DERPC: variants seen among roughly 807,000 people sequenced by gnomAD.
DERPC encodes DERPC proline and glycine rich nuclear protein, also known as decreased expression in renal and prostate cancer protein.
A neutral mutation model predicts 7.2 loss-of-function variants in DERPC; 1 was observed. The ratio of observed to expected loss-of-function variants is 0.14; its 90% CI spans 0.05 to 0.66. DERPC has a LOEUF of 0.66. Ranked by LOEUF, DERPC falls within the 30% of genes least tolerant of loss-of-function variation. The pLI, the probability that DERPC is intolerant of heterozygous loss-of-function variation, is 0.84. For missense variants in DERPC, 502 were observed against 299.4 expected, an observed-to-expected ratio of 1.68 and a Z score of -4.99; for synonymous variants, 185 against 117.6, an observed-to-expected ratio of 1.57 and a Z score of -3.71.
At chr16:69,129,872 G>T (rs1962369586) in intron 1 of DERPC, among the ~76,000 whole-genome samples, 1 of 152,202 alleles carries the variant, frequency 6.6e-6, no homozygotes, top group East Asian at 1.9e-4. Context: ...GGGGTAGGCA[G>T]CTAAAAACAA....
chr16:69,118,722 T>C lies in DERPC; in HGVS notation c.*132A>G. ...TCAAGAAAAACGCAAAGGAAAAAGA[T>C]GGCTCATTTGAACTTGAGCCCAAGC... On this transcript the variant is annotated 3_prime_UTR_variant, in exon 3 of 3. Coordinates refer to ENST00000519520, the MANE Select transcript of DERPC (RefSeq NM_001002847.4). 3.1e-6 allele frequency: 2 copies of C among 643,738 alleles called. No individual in the cohort carries two copies. The highest frequency in any genetic ancestry group is 2.4e-5 in the Admixed American group (1 of 41,552). 39.9% of individuals were successfully genotyped at this position (643,738 alleles called of 1,614,324 possible).
In DERPC at chr16:69,129,227, G is replaced by A. The variant is rs924573185; in HGVS notation, c.-280+3257C>T. 4.7e-4 allele frequency among the ~76,000 whole-genome samples: 72 copies of A among 151,896 alleles called. 1 individual carries two copies. Among genetic ancestry groups the A allele is most frequent in the African/African-American group, 1.6e-3 (67 of 41,354 alleles). Reference sequence around the variant, plus strand: ...GGGCAGATCACGAGGTCAGGAGATCGAGATCATCCTGGATAACACAGTGAA... The same window carrying A: ...GGGCAGATCACGAGGTCAGGAGATCAAGATCATCCTGGATAACACAGTGAA... On this transcript the variant is annotated intron_variant, in intron 1 of 2. Transcript: ENST00000519520.
Position 69,118,273 on chromosome 16 carries a change from C to A in DERPC, c.*581G>T. 1.1e-6 allele frequency: 1 copy of A among 870,914 alleles called. No individual in the cohort carries two copies. The highest frequency in any genetic ancestry group is 2.5e-5 in the East Asian group (1 of 39,762). 53.9% of individuals were successfully genotyped at this position (870,914 alleles called of 1,614,324 possible). A position where few individuals can be genotyped will look rare whatever the true frequency, so the allele number is the denominator to read the frequency against. ...TCTAAGTCCCAGGAGAAGGGAGCTG[C>A]AGGCCCAGTCAGTCAAGCAGAAACT... On this transcript the variant is annotated 3_prime_UTR_variant, in exon 3 of 3. Coordinates refer to ENST00000519520, the MANE Select transcript of DERPC (RefSeq NM_001002847.4).
intron 1 of DERPC, 97 bp from the exon 2 acceptor site, chr16:69,121,590 G>A (rs2152267210): frequency 2.9e-6 from 2 of 681,186 alleles, no homozygotes; most frequent in Non-Finnish European, 5.0e-6. Context: ...CGATTCTCCT[G>A]CCTCAGCCTC....
At chr16:69,129,746 TATG>T (rs1445934540) in intron 1 of DERPC, among the ~76,000 whole-genome samples, 9 of 152,202 alleles carry the variant, frequency 5.9e-5, no homozygotes, top group Non-Finnish European at 1.2e-4. Context: ...AGCACCTCTG[TATG>T]ATAACTTCCC....
At chr16:69,131,292 A>G (rs1025039614) in intron 1 of DERPC, 3 of 152,166 alleles carry the variant, frequency 2.0e-5, no homozygotes, top group Admixed American at 6.5e-5. Flanking sequence ...GAGGGAATCA[A>G]TTACTGGTAT....
rs750447211 is a variant in DERPC, at chr16:69,120,351, G to A, written c.78C>T (p.Leu26=). Residue 26 remains leucine (L), a synonymous_variant, in exon 3 of 3, where the codon CTC becomes CTT. Transcript: ENST00000519520. This position sits in a 1 kb window ranked among gnomAD's most constrained non-coding sequence, Gnocchi z 4.0. ...TRAPLPPRGR[L]DGSLGPQGGP... is the part of the protein sequence containing the mutation. ...CCCCCTGTGGTCCCAGGGAACCGTCGAGCCGTCCTCGAGGTGGCAGCGGAG... is the reference window on the plus strand; with the variant it reads ...CCCCCTGTGGTCCCAGGGAACCGTCAAGCCGTCCTCGAGGTGGCAGCGGAG... The A allele has an allele frequency of 1.1e-5, 16 of 1,467,378 alleles. No homozygotes were observed. Among genetic ancestry groups the A allele is most frequent in the South Asian group, 4.6e-5 (4 of 87,720 alleles). The allele number at this position is 1,467,378 out of a possible 1,614,324, so 90.9% of individuals were successfully genotyped here.
rs1419543292 is a variant in DERPC, at chr16:69,118,397, G to C, written c.*457C>G. 1.2e-6 allele frequency: 2 copies of C among 1,613,280 alleles called. No individual in the cohort carries two copies. The highest frequency in any genetic ancestry group is 1.7e-5 in the Admixed American group (1 of 60,016). ...GGCAGTAGAGGATGACCAGGTCCAA[G>C]CTGCCCAGGTCAGAGCTACGGAAGC... On this transcript the variant is annotated 3_prime_UTR_variant, in exon 3 of 3. Coordinates refer to ENST00000519520, the MANE Select transcript of DERPC (RefSeq NM_001002847.4).
At chr16:69,125,179 C>T (rs1014787913) in intron 1 of DERPC, among the ~76,000 whole-genome samples, 1 of 152,174 alleles carries the variant, frequency 6.6e-6, no homozygotes, top group Non-Finnish European at 1.5e-5. Context: ...ACTGAGATTA[C>T]AGGCTTGAGT....
chr16:69,124,121 AAAG>A (rs931329326), intron 1 of DERPC, among the ~76,000 whole-genome samples: 8 of 151,658 alleles, frequency 5.3e-5, no homozygotes, highest in Non-Finnish European at 7.4e-5. Flanking sequence ...AAAAAAAAAA[AAAG>A]GATAATATGC....
chr16:69,128,007 C>G (rs1962206290), intron 1 of DERPC, among the ~76,000 whole-genome samples: 2 of 152,036 alleles, frequency 1.3e-5, no homozygotes, highest in South Asian at 4.2e-4. Flanking sequence ...CTCCGCTGCC[C>G]AGGATCAGGG....
At chr16:69,130,503 G>C (rs1962420164) in intron 1 of DERPC, among the ~76,000 whole-genome samples, 1 of 152,126 alleles carries the variant, frequency 6.6e-6, no homozygotes, top group African/African-American at 2.4e-5. Context: ...TACGAATATA[G>C]TGAAGCACTC....
intron 1 of DERPC, among the ~76,000 whole-genome samples, chr16:69,126,383 G>C (rs1161011937): frequency 2.6e-5 from 4 of 152,216 alleles, no homozygotes. Context: ...TGGTTGCTGG[G>C]ATGGCACAGC....
chr16:69,124,565 A>G (rs11861167), intron 1 of DERPC, among the ~76,000 whole-genome samples: 3,636 of 151,832 alleles, frequency 0.024, 154 homozygotes, highest in African/African-American at 0.083. Context: ...CTGGGATTAC[A>G]GGCGCCCGCC....
Position 69,120,538 on chromosome 16 carries a change from C to T in DERPC, c.-110G>A. ...CGGGTGCCAGTCTCGCGGCCAAGCT[C>T]ATCACAGTCCTGATCCCCAGGAGTG... On this transcript the variant is annotated 5_prime_UTR_variant, in exon 3 of 3. The change abolishes an upstream ATG in the 5' untranslated region. Transcript: ENST00000519520. The surrounding 1 kb of genome is among the most constrained non-coding windows in gnomAD (Gnocchi z 4.0). 6.2e-7 allele frequency: 1 copy of T among 1,614,164 alleles called. No homozygotes were observed. The highest frequency in any genetic ancestry group is 1.1e-5 in the South Asian group (1 of 91,084).
At chr16:69,121,570 C>A (rs1207881971) in intron 1 of DERPC, 77 bp from the exon 2 acceptor site, 2 of 818,520 alleles carry the variant, frequency 2.4e-6, no homozygotes, top group Admixed American at 2.7e-5. Flanking sequence ...CTCCACCTCC[C>A]GGGTTCAATC....
chr16:69,122,799 C>T (rs1374357344), intron 1 of DERPC, among the ~76,000 whole-genome samples: 1 of 152,072 alleles, frequency 6.6e-6, no homozygotes, highest in East Asian at 1.9e-4. Context: ...ACTTTGGCCT[C>T]CCAAAGTGCT....
At chr16:69,128,592 C>T (rs1962259471) in intron 1 of DERPC, among the ~76,000 whole-genome samples, 2 of 152,108 alleles carry the variant, frequency 1.3e-5, no homozygotes. Context: ...ACGACTTTAT[C>T]TCAGTAAAGG....
At position 69,119,317 on chromosome 16, in the gene DERPC, A is replaced by G. The variant is rs1961432322; in HGVS notation, c.1112T>C (p.Phe371Ser). The change falls in exon 3 of 3, where the codon TTT becomes TCT. Residue 371 changes from phenylalanine (F) to serine (S), a missense_variant. By Grantham distance (155) the Phe-to-Ser change is radical. Coordinates refer to ENST00000519520, the MANE Select transcript of DERPC (RefSeq NM_001002847.4). ...TGCCAATGTGCCAGAAGACTGAGAAAAGGCAGATGAACCTGCTCCCCTGGG... is the reference window on the plus strand; with the variant it reads ...TGCCAATGTGCCAGAAGACTGAGAAGAGGCAGATGAACCTGCTCCCCTGGG... Reference protein sequence around the residue: ...PFPRGAGSSAFSQSSGTLASN... With the variant: ...PFPRGAGSSASSQSSGTLASN... The G allele has an allele frequency of 4.3e-6, 3 of 703,106 alleles. No individual in the cohort carries two copies. The East Asian group carries it at 8.0e-5, about 19-fold the overall frequency. 43.6% of individuals were successfully genotyped at this position (703,106 alleles called of 1,614,324 possible). A position where few individuals can be genotyped will look rare whatever the true frequency, so the allele number is the denominator to read the frequency against.
Sources: gnomAD v4.1 joint callset for allele counts (sites outside exome capture counted in the v4.1 genomes callset) on GRCh38, gnomAD v4.1.1 for gene constraint, Gnocchi (gnomAD v3.1) non-coding constraint, MANE v1.5 for transcripts, NCBI Gene and HGNC (gene_info 2026-07-23, HGNC 2026-07-21) for gene names.